The following IGF1R variants were observed in gnomAD, a reference collection of about 807,000 sequenced individuals.
IGF1R encodes insulin-like growth factor 1 receptor.
In IGF1R, 44 loss-of-function variants were observed where a neutral mutation model predicts 144.6. That is an observed-to-expected ratio of 0.30 (90% confidence interval 0.24 to 0.39). The LOEUF (loss-of-function observed/expected upper bound fraction) is 0.39. IGF1R is among the 10% of genes least tolerant of loss of function. IGF1R has a pLI of 1.00. For missense variants in IGF1R, 1,355 were observed against 1,833.7 expected (o/e 0.74, Z 4.77); for synonymous variants, 795 against 722.8 (o/e 1.10, Z -1.60).
chr15:98,883,178 C>T (rs757178320), intron 2 of IGF1R, among the ~76,000 whole-genome samples: 1 of 152,192 alleles, frequency 6.6e-6, no homozygotes, highest in Non-Finnish European at 1.5e-5. Context: ...TAAGACACAG[C>T]GCTTGCCACT....
intron 2 of IGF1R, among the ~76,000 whole-genome samples, chr15:98,858,756 A>G (rs1183672849): frequency 6.6e-6 from 1 of 152,156 alleles, no homozygotes; most frequent in African/African-American, 2.4e-5. Flanking sequence ...TGCGGGGAGA[A>G]ATCTCTCACT....
At chr15:98,931,965 A>T (rs1285764945) in intron 15 of IGF1R, among the ~76,000 whole-genome samples, 1 of 152,234 alleles carries the variant, frequency 6.6e-6, no homozygotes, top group Non-Finnish European at 1.5e-5. Flanking sequence ...ACAAGGCAAG[A>T]CCACTTTCTC....
At chr15:98,765,805 CCTT>C (rs1381619554) in intron 2 of IGF1R, among the ~76,000 whole-genome samples, 33 of 152,190 alleles carry the variant, frequency 2.2e-4, no homozygotes, top group African/African-American at 8.0e-4. Context: ...ACAACCCACT[CCTT>C]CTCAGCCAGT....
intron 9 of IGF1R, 83 bp downstream of exon 9, chr15:98,916,214 G>A (rs373624810): frequency 5.4e-5 from 69 of 1,271,368 alleles, no homozygotes; most frequent in Middle Eastern, 2.0e-4. Context: ...AATATTACAC[G>A]TATCAGACAA....
chr15:98,812,995 T>G (rs1204340661), intron 2 of IGF1R, among the ~76,000 whole-genome samples: 1 of 152,206 alleles, frequency 6.6e-6, no homozygotes, highest in Admixed American at 6.5e-5. Flanking sequence ...GTGGTTTAAG[T>G]GGCTTCTCCG....
intron 2 of IGF1R, among the ~76,000 whole-genome samples, chr15:98,817,003 CAGAAA>C: frequency 6.6e-6 from 1 of 152,312 alleles, no homozygotes; most frequent in East Asian, 1.9e-4. Flanking sequence ...GTGATCAAGA[CAGAAA>C]AGATTTCTTC....
At chr15:98,777,412 G>A (rs2055746517) in intron 2 of IGF1R, among the ~76,000 whole-genome samples, 1 of 152,230 alleles carries the variant, frequency 6.6e-6, no homozygotes, top group Non-Finnish European at 1.5e-5. Context: ...GGGAGTCTGA[G>A]AGGGAGGTGG....
chr15:98,945,056 C>T (rs2016499899), intron 19 of IGF1R, among the ~76,000 whole-genome samples: 1 of 152,218 alleles, frequency 6.6e-6, no homozygotes, highest in African/African-American at 2.4e-5. Context: ...ACTGTGGCTG[C>T]TCTCCCTGCA....
intron 2 of IGF1R, among the ~76,000 whole-genome samples, chr15:98,835,082 C>CT (rs2057071072): frequency 8.5e-5 from 1 of 11,716 alleles, no homozygotes; most frequent in African/African-American, 1.3e-4. Flanking sequence ...ACCCCCCCTA[C>CT]ACACACACAC....
rs527704554 is a variant in IGF1R at position 98,726,763 on chromosome 15, C to A, written c.640+18656C>A. On this transcript the variant is annotated intron_variant, in intron 2 of 20. Transcript: ENST00000650285. ...AGATAGAGTCTTGCTCTTGTCACCC[C>A]GGCTGGAGTGCAATGGTGTGATCTT... is the stretch of plus-strand genomic sequence containing the variant. 4.9e-3 allele frequency among the ~76,000 whole-genome samples: 723 copies of A among 147,338 alleles called. 9 individuals are homozygous for A. The highest frequency in any genetic ancestry group is 0.017 in the African/African-American group (677 of 39,420).
intron 13 of IGF1R, among the ~76,000 whole-genome samples, chr15:98,928,543 T>C (rs371620681): frequency 6.6e-6 from 1 of 152,252 alleles, no homozygotes; most frequent in East Asian, 1.9e-4. Flanking sequence ...CCTTGTGAGC[T>C]GGCCCTGACT....
chr15:98,939,717 C>G (rs771723685), intron 18 of IGF1R, among the ~76,000 whole-genome samples: 7 of 152,158 alleles, frequency 4.6e-5, no homozygotes, highest in Non-Finnish European at 8.8e-5. Flanking sequence ...TCCAACCTTG[C>G]ATTCATCCCT....
chr15:98,887,231 A>G (rs1411761332), intron 2 of IGF1R, among the ~76,000 whole-genome samples: 1 of 152,066 alleles, frequency 6.6e-6, no homozygotes, highest in East Asian at 1.9e-4. Context: ...ACTGGATGGT[A>G]TAATTTCACT....
Position 98,805,403 on chromosome 15 carries a change from T to A in IGF1R, c.641-85922T>A, listed in dbSNP as rs143464688. ...ATTGTTTTCCCTGAAGTGTGTACCC[T>A]GTGTTTGGGCAGAGCAGCAAGACCA... On this transcript the variant is annotated intron_variant, in intron 2 of 20. Coordinates refer to ENST00000650285, the MANE Select transcript of IGF1R (RefSeq NM_000875.5). 3.4e-3 allele frequency among the ~76,000 whole-genome samples: 511 copies of A among 152,290 alleles called. 1 individual carries two copies. The highest frequency in any genetic ancestry group is 0.012 in the African/African-American group (481 of 41,560).
At chr15:98,790,489 C>T (rs73479705) in intron 2 of IGF1R, among the ~76,000 whole-genome samples, 8,465 of 152,014 alleles carry the variant, frequency 0.056, 800 homozygotes, top group African/African-American at 0.19. Flanking sequence ...TGTGGTATAG[C>T]GGGGGAGCAG....
Position 98,649,694 on chromosome 15 carries a change from C to T in IGF1R, c.94+19C>T, listed in dbSNP as rs771927703. 1.3e-6 allele frequency: 2 copies of T among 1,580,602 alleles called. No individual in the cohort carries two copies. Among genetic ancestry groups the T allele is most frequent in the Admixed American group, 1.7e-5 (1 of 59,498 alleles). On this transcript the variant is annotated intron_variant, in intron 1 of 20. Transcript: ENST00000650285. ...GGAGAAAGTGAGTATGTGCCCGCCG[C>T]CCGCGGCCACTGCGGGAACTTTTCC... is the stretch of plus-strand genomic sequence containing the variant.
chr15:98,842,150 A>G (rs986268961), intron 2 of IGF1R, among the ~76,000 whole-genome samples: 2 of 152,256 alleles, frequency 1.3e-5, no homozygotes, highest in African/African-American at 2.4e-5. Flanking sequence ...TGTCCCCAGA[A>G]GCAGAAGTAG....
intron 2 of IGF1R, among the ~76,000 whole-genome samples, chr15:98,755,765 C>CTTGTTCCTGAT (rs1455288864): frequency 1.2e-5 from 1 of 84,486 alleles, no homozygotes; most frequent in Non-Finnish European, 2.5e-5. Flanking sequence ...GCATTACTGC[C>CTTGTTCCTGAT]TTGTTCCTGA....
At chr15:98,752,670 C>T (rs903324113) in intron 2 of IGF1R, among the ~76,000 whole-genome samples, 4 of 141,480 alleles carry the variant, frequency 2.8e-5, no homozygotes, top group Admixed American at 7.2e-5. Context: ...GGCGACAGAG[C>T]GAGACTCCGT....
Sources: gnomAD v4.1 joint callset for allele counts (sites outside exome capture counted in the v4.1 genomes callset) on GRCh38, gnomAD v4.1.1 for gene constraint, MANE v1.5 for transcripts, NCBI Gene and HGNC (gene_info 2026-07-23, HGNC 2026-07-21) for gene names.